CLPSL1: variants seen among roughly 807,000 people sequenced by gnomAD.
CLPSL1 encodes colipase-like protein 1.
CLPSL1 carries 13 observed loss-of-function variants against 9.3 expected under a neutral mutation model. That is an observed-to-expected ratio of 1.40 (90% CI 0.91 to 2.22). CLPSL1 has a LOEUF of 2.22. Ranked by LOEUF, CLPSL1 falls within the 30% of genes most tolerant of loss-of-function variation. CLPSL1 has a pLI of 0.00. For missense variants in CLPSL1, 164 were observed against 146.6 expected (o/e 1.12, Z -0.61); for synonymous variants, 58 against 56.9 (o/e 1.02, Z -0.08).
intron 1 of CLPSL1, among the ~76,000 whole-genome samples, chr6:35,785,921 C>A (rs1415613819): frequency 6.9e-6 from 1 of 145,328 alleles, no homozygotes; most frequent in East Asian, 2.0e-4. Context: ...TGCACTCCAG[C>A]CTGGGTGACA....
chr6:35,789,138 C>T (rs1561942410), downstream of CLPSL1, among the ~76,000 whole-genome samples: 1 of 152,272 alleles, frequency 6.6e-6, no homozygotes, highest in East Asian at 1.9e-4. Context: ...TGAGCTCTCC[C>T]CATTCAGAGA....
At chr6:35,792,173 C>T (rs1768233396), downstream of CLPSL1, among the ~76,000 whole-genome samples, 1 of 152,188 alleles carries the variant, frequency 6.6e-6, no homozygotes, top group African/African-American at 2.4e-5. Flanking sequence ...ACTTGGGGAA[C>T]TGAGGTGGGA....
At chr6:35,790,995 T>C (rs1768174341), downstream of CLPSL1, among the ~76,000 whole-genome samples, 1 of 149,328 alleles carries the variant, frequency 6.7e-6, no homozygotes. Flanking sequence ...CAGTGAGCCA[T>C]GGTCGCACCA....
At chr6:35,786,974 G>A (rs1365402265) in intron 1 of CLPSL1, 24 bp from the exon 2 acceptor site, 7 of 1,560,410 alleles carry the variant, frequency 4.5e-6, no homozygotes, top group Non-Finnish European at 6.1e-6. Context: ...GTGGAGCCTG[G>A]CGGTGCCGTG....
chr6:35,781,589 T>C (rs1767968282), intron 1 of CLPSL1, among the ~76,000 whole-genome samples: 1 of 152,132 alleles, frequency 6.6e-6, no homozygotes, highest in Non-Finnish European at 1.5e-5. Context: ...TGTAGAGCTG[T>C]CACTCTAGTG....
chr6:35,792,411 G>A (rs920749592), downstream of CLPSL1, among the ~76,000 whole-genome samples: 2 of 152,274 alleles, frequency 1.3e-5, no homozygotes, highest in Non-Finnish European at 2.9e-5. Context: ...ATAAAGTGTC[G>A]AATATATCTC....
downstream of CLPSL1, among the ~76,000 whole-genome samples, chr6:35,788,303 C>T (rs1440859089): frequency 6.6e-6 from 1 of 152,214 alleles, no homozygotes; most frequent in African/African-American, 2.4e-5. Context: ...AATGAAAGTC[C>T]CCCAGAAGAG....
At chr6:35,789,266 T>C (rs912651999), downstream of CLPSL1, among the ~76,000 whole-genome samples, 3 of 152,186 alleles carry the variant, frequency 2.0e-5, no homozygotes, top group Non-Finnish European at 2.9e-5. Flanking sequence ...AAGGGGAGAA[T>C]ACAGAGCCCA....
chr6:35,793,448 T>C (rs755623238), intron 1 of CLPSL1: 3 of 442,038 alleles, frequency 6.8e-6, no homozygotes, highest in Non-Finnish European at 9.1e-6. Context: ...AAAAAGGGTA[T>C]GCAAGAAGAA....
At chr6:35,788,908 G>T (rs1435634742), downstream of CLPSL1, among the ~76,000 whole-genome samples, 1 of 152,268 alleles carries the variant, frequency 6.6e-6, no homozygotes, top group Non-Finnish European at 1.5e-5. Context: ...TCAGATTTTG[G>T]ACCTAAATTT....
chr6:35,788,218 G>A, downstream of CLPSL1: 2 of 573,808 alleles, frequency 3.5e-6, no homozygotes, highest in South Asian at 1.7e-5. Context: ...GTTTCTGGGG[G>A]GTGGGGAGGT....
At chr6:35,792,555 G>A (rs1357915654), downstream of CLPSL1, among the ~76,000 whole-genome samples, 1 of 152,272 alleles carries the variant, frequency 6.6e-6, no homozygotes, top group Non-Finnish European at 1.5e-5. Flanking sequence ...CCTCTGCTGT[G>A]TAGGCGTGTG....
Position 35,786,450 on chromosome 6 carries a change from G to T in CLPSL1, c.100-548G>T, listed in dbSNP as rs550883198. Among the ~76,000 whole-genome samples the T allele has an allele frequency of 1.1e-4, 16 of 152,310 alleles. 1 individual carries two copies. The South Asian group carries it at 2.9e-3, about 28-fold the overall frequency. On this transcript the variant is annotated intron_variant, in intron 1 of 2. Transcript: ENST00000373861. Reference sequence around the variant, plus strand: ...ATTTCTGTTTTTGTTGTTCCCAGCTGTATTCCCAGTGCCTGGAACAGTGCC... The same window carrying T: ...ATTTCTGTTTTTGTTGTTCCCAGCTTTATTCCCAGTGCCTGGAACAGTGCC...
intron 2 of CLPSL1, 51 bp from the exon 3 acceptor site, chr6:35,787,816 C>T: frequency 6.4e-7 from 1 of 1,569,090 alleles, no homozygotes; most frequent in African/African-American, 1.4e-5. Context: ...GGCTTAGGGG[C>T]TCAGGGAAGA....
intron 2 of CLPSL1, 29 bp downstream of exon 2, chr6:35,787,149 A>AG: frequency 6.2e-7 from 1 of 1,607,428 alleles, no homozygotes; most frequent in Non-Finnish European, 8.5e-7. Context: ...GGGGAGCCAG[A>AG]GGGGATCCAG....
chr6:35,792,016 G>A (rs1485755141), downstream of CLPSL1, among the ~76,000 whole-genome samples: 2 of 152,206 alleles, frequency 1.3e-5, no homozygotes, highest in Non-Finnish European at 2.9e-5. Flanking sequence ...AACCTGGGAG[G>A]CAGAGGCTGC....
In CLPSL1 at chr6:35,787,948, A is replaced by G. The variant is rs1338108214; in HGVS notation, c.304A>G (p.Ile102Val). The change falls in exon 3 of 3, where the codon ATC becomes GTC. Residue 102 changes from isoleucine to valine, a missense_variant. Transcript: ENST00000373861. ...TTCAAAGAATGAGAAATGGCTTAGC[A>G]TCGCCTATGGCCGTTGTCAGAAAAT... is the stretch of plus-strand genomic sequence containing the variant. ...IYSKNEKWLS[I>V]AYGRCQKIGR... 2.5e-6 allele frequency: 4 copies of G among 1,613,238 alleles called. No homozygotes were observed. Among genetic ancestry groups the G allele is most frequent in the South Asian group, 2.2e-5 (2 of 91,072 alleles).
Position 35,783,535 on chromosome 6 carries a change from G to T in CLPSL1, c.99+2326G>T, listed in dbSNP as rs527904017. Among the ~76,000 whole-genome samples the T allele has an allele frequency of 2.1e-4, 31 of 151,164 alleles. No individual in the cohort carries two copies. The East Asian group carries it at 5.5e-3, about 27-fold the overall frequency. On this transcript the variant is annotated intron_variant, in intron 1 of 2. Transcript: ENST00000373861. ...AAAAAAAAAAAGGGGGGCTGGGCGC[G>T]GTGGCTCATGCCTGTAATCCCAGCA...
downstream of CLPSL1, among the ~76,000 whole-genome samples, chr6:35,793,103 C>A (rs368669063): frequency 6.6e-6 from 1 of 152,356 alleles, no homozygotes; most frequent in East Asian, 1.9e-4. Flanking sequence ...GAAGAGAAGT[C>A]GGCCTTGAGG....
Sources: allele counts gnomAD v4.1 joint callset (sites outside exome capture counted in the v4.1 genomes callset), GRCh38; gene constraint gnomAD v4.1.1; transcripts MANE v1.5; gene names NCBI Gene and HGNC (gene_info 2026-07-23, HGNC 2026-07-21).